Variants in SEMA3D observed in about 807,000 individuals in gnomAD.
The protein encoded by SEMA3D is semaphorin-3D.
Under a neutral mutation model 100.1 loss-of-function variants are expected in SEMA3D, and 84 were observed. The observed-to-expected ratio is 0.84, with a 90% CI of 0.70 to 1.01. SEMA3D has a LOEUF of 1.01. Ranked by LOEUF, SEMA3D falls within the 50% of genes least tolerant of loss-of-function variation. SEMA3D has a pLI of 0.00. For missense variants in SEMA3D, 875 were observed against 934.1 expected (o/e 0.94, Z 0.82); for synonymous variants, 312 against 320.7 (o/e 0.97, Z 0.29).
intron 12 of SEMA3D, among the ~76,000 whole-genome samples, chr7:85,026,894 T>C (rs950820783): frequency 2.6e-5 from 4 of 152,052 alleles, no homozygotes; most frequent in African/African-American, 9.7e-5. Flanking sequence ...GTGGAATCCA[T>C]GGTTACCTCA....
At chr7:85,223,516 GAT>G in the SEMA3D span, among the ~76,000 whole-genome samples, 28 of 150,192 alleles carry the variant, frequency 1.9e-4, no homozygotes, top group East Asian at 3.9e-3. Flanking sequence ...AATAAAATAT[GAT>G]ATATATATAT....
At chr7:85,081,464 C>T (rs1257769556) in intron 5 of SEMA3D, 53 bp downstream of exon 5, 2 of 1,150,772 alleles carry the variant, frequency 1.7e-6, no homozygotes, top group Non-Finnish European at 2.6e-6. Context: ...TAAATATTTG[C>T]TATCATATCA....
chr7:85,066,354 AAAG>A (rs371621088), intron 7 of SEMA3D, among the ~76,000 whole-genome samples: 14 of 152,006 alleles, frequency 9.2e-5, no homozygotes, highest in African/African-American at 3.4e-4. Flanking sequence ...AAGAGGGGGA[AAAG>A]AGGAGGCAGG....
At chr7:85,149,190 A>G (rs971868002) in intron 2 of SEMA3D, among the ~76,000 whole-genome samples, 1 of 152,238 alleles carries the variant, frequency 6.6e-6, no homozygotes, top group Non-Finnish European at 1.5e-5. Context: ...CATGCCTGTA[A>G]TCTCAGCACT....
At chr7:85,144,313 G>T in intron 2 of SEMA3D, 1 of 264,870 alleles carries the variant, frequency 3.8e-6, no homozygotes, top group Non-Finnish European at 5.8e-6. Context: ...TCAAACAAAT[G>T]TAAAAGTTTT....
At chr7:85,126,077 G>A (rs896219254) in intron 2 of SEMA3D, among the ~76,000 whole-genome samples, 1 of 152,046 alleles carries the variant, frequency 6.6e-6, no homozygotes, top group Non-Finnish European at 1.5e-5. Context: ...CTAAATCAGA[G>A]ATCCAAATGC....
intron 1 of SEMA3D, chr7:85,159,796 GCTAT>G (rs1166225155): frequency 5.4e-5 from 53 of 974,156 alleles, no homozygotes; most frequent in Non-Finnish European, 6.3e-5. Flanking sequence ...TTGACAGCAG[GCTAT>G]CTAATACCAG....
At chr7:85,016,968 T>C (rs1361808763) in intron 15 of SEMA3D, among the ~76,000 whole-genome samples, 1 of 151,632 alleles carries the variant, frequency 6.6e-6, no homozygotes, top group African/African-American at 2.4e-5. Context: ...TAGGAGGATA[T>C]ATAAAGATAT....
At chr7:85,086,768 T>C (rs1214841573) in intron 4 of SEMA3D, among the ~76,000 whole-genome samples, 2 of 151,848 alleles carry the variant, frequency 1.3e-5, no homozygotes, top group Admixed American at 1.3e-4. Flanking sequence ...TCATTGGGTA[T>C]AGAATAAGAT....
chr7:85,127,418 A>T (rs1451483012), intron 2 of SEMA3D, among the ~76,000 whole-genome samples: 2 of 152,160 alleles, frequency 1.3e-5, no homozygotes, highest in African/African-American at 4.8e-5. Flanking sequence ...TAAGAGCCAA[A>T]TAAAATTCTG....
intron 1 of SEMA3D, chr7:85,163,017 A>C (rs1198961202): frequency 1.1e-6 from 1 of 930,698 alleles, no homozygotes; most frequent in East Asian, 1.2e-4. Flanking sequence ...ACGAGAAGGA[A>C]AGACAAGGAT....
At chr7:85,175,560 C>T (rs776079408) in intron 1 of SEMA3D, among the ~76,000 whole-genome samples, 11 of 152,238 alleles carry the variant, frequency 7.2e-5, no homozygotes, top group East Asian at 5.8e-4. Flanking sequence ...GTTATTCACC[C>T]GTCTGTACAT....
the SEMA3D span, among the ~76,000 whole-genome samples, chr7:85,231,544 G>T: frequency 1.4e-5 from 2 of 144,484 alleles, no homozygotes; most frequent in East Asian, 4.1e-4. Flanking sequence ...TCCGCCTCCC[G>T]GGTTCACGCC....
chr7:85,151,648 C>T, intron 2 of SEMA3D: 2 of 979,240 alleles, frequency 2.0e-6, no homozygotes, highest in Non-Finnish European at 2.4e-6. Flanking sequence ...GTATGCAATT[C>T]TCAGTATATT....
At chr7:85,008,440 A>T (rs1168859006) in intron 17 of SEMA3D, among the ~76,000 whole-genome samples, 1 of 151,884 alleles carries the variant, frequency 6.6e-6, no homozygotes, top group Admixed American at 6.6e-5. Flanking sequence ...TGTTACTTCC[A>T]ATAATGTTTG....
chr7:85,013,025 A>G (rs1171879242), intron 16 of SEMA3D, among the ~76,000 whole-genome samples, 179 bp from the exon 17 acceptor site: 1 of 151,844 alleles, frequency 6.6e-6, no homozygotes, highest in Non-Finnish European at 1.5e-5. Flanking sequence ...ACTGGTAATG[A>G]GGTCCAAATA....
intron 5 of SEMA3D, among the ~76,000 whole-genome samples, chr7:85,079,865 TCATTC>T (rs1409956709): frequency 4.6e-5 from 7 of 152,230 alleles, no homozygotes; most frequent in Non-Finnish European, 8.8e-5. Context: ...CCAAAGCATT[TCATTC>T]TCTGTGAGTG....
At chr7:85,208,210 A>G in the SEMA3D span, among the ~76,000 whole-genome samples, 1 of 152,062 alleles carries the variant, frequency 6.6e-6, no homozygotes, top group East Asian at 1.9e-4. Flanking sequence ...ATATTTTGAT[A>G]TATAATGTCA....
intron 7 of SEMA3D, among the ~76,000 whole-genome samples, chr7:85,065,804 A>G (rs1196690279): frequency 2.0e-5 from 3 of 152,218 alleles, no homozygotes; most frequent in Non-Finnish European, 2.9e-5. Flanking sequence ...TTGCACATGC[A>G]TTAGCTTCCC....
Sources: allele counts gnomAD v4.1 joint callset (sites outside exome capture counted in the v4.1 genomes callset), GRCh38; gene constraint gnomAD v4.1.1; transcripts MANE v1.5; gene names NCBI Gene and HGNC (gene_info 2026-07-23, HGNC 2026-07-21).